Variants in CNOT4 observed in about 807,000 individuals in gnomAD.
CNOT4 encodes CCR4-associated factor 4.
CNOT4 carries 8 observed loss-of-function variants against 73.8 expected under a neutral mutation model. The observed-to-expected ratio is 0.11, with a 90% CI of 0.06 to 0.20. CNOT4 has a LOEUF of 0.20. Among genes scored for constraint, CNOT4 ranks in the 10% least tolerant of loss-of-function variants. CNOT4 has a pLI of 1.00. For missense variants in CNOT4, 564 were observed against 883.4 expected (o/e 0.64, Z 4.58); for synonymous variants, 293 against 321.1 (o/e 0.91, Z 0.94).
chr7:135,399,336 C>G (rs193234836), intron 7 of CNOT4, among the ~76,000 whole-genome samples: 2 of 152,174 alleles, frequency 1.3e-5, no homozygotes, highest in East Asian at 1.9e-4. Context: ...CGCTGCAAAC[C>G]TGTACAGCAT....
intron 1 of CNOT4, among the ~76,000 whole-genome samples, chr7:135,459,710 T>C (rs1800756495): frequency 6.6e-6 from 1 of 152,290 alleles, no homozygotes; most frequent in African/African-American, 2.4e-5. Context: ...GTTTTCAGAA[T>C]AGTCCATGAG....
At chr7:135,414,097 G>A (rs79650164) in intron 5 of CNOT4, among the ~76,000 whole-genome samples, 4 of 151,766 alleles carry the variant, frequency 2.6e-5, no homozygotes, top group South Asian at 4.2e-4. Context: ...GTAAAAATGC[G>A]ATATTTTAAA....
intron 10 of CNOT4, chr7:135,388,985 C>A: frequency 8.2e-7 from 1 of 1,215,138 alleles, no homozygotes; most frequent in Non-Finnish European, 1.2e-6. Flanking sequence ...AATACTGATA[C>A]ATATATAAAA....
At chr7:135,504,652 A>G (rs547459941) in intron 1 of CNOT4, among the ~76,000 whole-genome samples, 1 of 116,614 alleles carries the variant, frequency 8.6e-6, no homozygotes, top group Non-Finnish European at 1.8e-5. Context: ...ACGCCCGGCT[A>G]ATTTTTTGTA....
chr7:135,370,588 G>A (rs1795145785), intron 10 of CNOT4, among the ~76,000 whole-genome samples: 2 of 152,078 alleles, frequency 1.3e-5, no homozygotes, highest in South Asian at 2.1e-4. Context: ...TCACAACTCC[G>A]CTGAAAAGCC....
chr7:135,505,638 A>G (rs1433514758), intron 1 of CNOT4, among the ~76,000 whole-genome samples: 1 of 152,170 alleles, frequency 6.6e-6, no homozygotes, highest in Non-Finnish European at 1.5e-5. Flanking sequence ...GTGTTATACC[A>G]TCCTTAAAGT....
intron 1 of CNOT4, among the ~76,000 whole-genome samples, chr7:135,497,162 C>A (rs1319673756): frequency 6.6e-6 from 1 of 151,838 alleles, no homozygotes; most frequent in Non-Finnish European, 1.5e-5. Flanking sequence ...AATCCCAGCA[C>A]TTTGGGAAGC....
In CNOT4 at chr7:135,498,994, A is replaced by T. The variant is rs1198340262; in HGVS notation, c.-93+10895T>A. Among the ~76,000 whole-genome samples, 3 of 152,212 alleles carry T rather than the reference A, an allele frequency of 2.0e-5. No homozygotes were observed. In the East Asian group the frequency reaches 5.8e-4, roughly 29 times the overall value. On this transcript the variant is annotated intron_variant, in intron 1 of 11. Coordinates refer to ENST00000541284, the MANE Select transcript of CNOT4 (RefSeq NM_001190850.2). ...TAAAGGATCTTTTAAAGGGTTTCTA[A>T]GGACTCATAGAGAATTCAATTATTT...
intron 1 of CNOT4, among the ~76,000 whole-genome samples, chr7:135,443,189 A>C (rs74522892): frequency 8.2e-5 from 3 of 36,604 alleles, no homozygotes; most frequent in African/African-American, 2.6e-4. Flanking sequence ...TATCTCTACC[A>C]AAAAAAAAAA....
intron 1 of CNOT4, among the ~76,000 whole-genome samples, chr7:135,501,916 G>A (rs1237886272): frequency 1.3e-5 from 2 of 152,202 alleles, no homozygotes; most frequent in African/African-American, 4.8e-5. Context: ...ATTAAGAGTT[G>A]AGGCCATTAA....
chr7:135,451,819 T>A (rs2129485897), intron 1 of CNOT4, among the ~76,000 whole-genome samples: 1 of 152,340 alleles, frequency 6.6e-6, no homozygotes, highest in Middle Eastern at 3.4e-3. Context: ...AAAAGGCAAC[T>A]TTTTAAAGAG....
At chr7:135,388,944 C>T (rs904164530) in intron 10 of CNOT4, 1 of 1,572,398 alleles carries the variant, frequency 6.4e-7, no homozygotes, top group Non-Finnish European at 8.7e-7. Context: ...GATTTGTTAA[C>T]AGTCCCTTTA....
At chr7:135,453,408 T>C (rs1800296815) in intron 1 of CNOT4, among the ~76,000 whole-genome samples, 1 of 152,092 alleles carries the variant, frequency 6.6e-6, no homozygotes, top group African/African-American at 2.4e-5. Flanking sequence ...ATGCTACTAA[T>C]CTTATGCTCC....
intron 10 of CNOT4, among the ~76,000 whole-genome samples, chr7:135,385,806 A>G (rs938499330): frequency 6.6e-6 from 1 of 152,220 alleles, no homozygotes; most frequent in Admixed American, 6.5e-5. Flanking sequence ...CCTGACAGAA[A>G]TAATGTGAAA....
At chr7:135,448,718 A>G (rs1031387821) in intron 1 of CNOT4, among the ~76,000 whole-genome samples, 11 of 152,220 alleles carry the variant, frequency 7.2e-5, no homozygotes, top group African/African-American at 2.2e-4. Flanking sequence ...GAAGGAAGGT[A>G]TAATGACAGT....
intron 10 of CNOT4, chr7:135,388,486 CA>C (rs1796235909): frequency 2.1e-5 from 21 of 1,000,972 alleles, no homozygotes; most frequent in Non-Finnish European, 2.5e-5. Context: ...ATAATAGAGC[CA>C]AAATAACAAC....
intron 1 of CNOT4, among the ~76,000 whole-genome samples, chr7:135,454,952 T>C (rs963314639): frequency 2.0e-5 from 3 of 151,974 alleles, no homozygotes; most frequent in African/African-American, 7.3e-5. Flanking sequence ...CAACACTAGG[T>C]CAATTACAAT....
intron 7 of CNOT4, 25 bp downstream of exon 7, chr7:135,410,490 T>C (rs1797534105): frequency 1.4e-6 from 2 of 1,407,648 alleles, no homozygotes; most frequent in Non-Finnish European, 1.9e-6. Context: ...AGGTAAGATG[T>C]CTGACTATCA....
At chr7:135,388,175 A>G (rs1456413334) in intron 10 of CNOT4, 18 of 985,200 alleles carry the variant, frequency 1.8e-5, no homozygotes, top group Non-Finnish European at 2.2e-5. Flanking sequence ...TCTATGCATA[A>G]TTAACAACCA....
Sources: gnomAD v4.1 joint callset for allele counts (sites outside exome capture counted in the v4.1 genomes callset) on GRCh38, gnomAD v4.1.1 for gene constraint, MANE v1.5 for transcripts, NCBI Gene and HGNC (gene_info 2026-07-23, HGNC 2026-07-21) for gene names.